The following ATF7IP variants were observed in gnomAD, a reference collection of about 807,000 sequenced individuals.
ATF7IP encodes the protein activating transcription factor 7-interacting protein 1.
In ATF7IP, 23 loss-of-function variants were observed where a neutral mutation model predicts 106.4. The observed-to-expected ratio is 0.22, with a 90% CI of 0.16 to 0.31. The LOEUF (loss-of-function observed/expected upper bound fraction) is 0.31, where lower values mean the gene tolerates loss of function less well. ATF7IP is among the 10% of genes least tolerant of loss of function. The pLI is 1.00. For synonymous variants in ATF7IP, 542 were observed against 539.0 expected, an observed-to-expected ratio of 1.01 and a Z score of -0.08; for missense variants, 1,334 against 1,524.3, an observed-to-expected ratio of 0.88 and a Z score of 2.08.
chr12:14,412,205 T>C (rs901863067), intron 1 of ATF7IP, among the ~76,000 whole-genome samples: 1 of 152,204 alleles, frequency 6.6e-6, no homozygotes, highest in African/African-American at 2.4e-5. Context: ...CTTTTAAAAA[T>C]GCAAAGTATG....
At chr12:14,399,291 G>A (rs960744514) in intron 1 of ATF7IP, among the ~76,000 whole-genome samples, 2 of 151,848 alleles carry the variant, frequency 1.3e-5, no homozygotes, top group African/African-American at 2.4e-5. Flanking sequence ...TTTGCTAGCT[G>A]TAGAATTCCA....
chr12:14,404,730 A>G (rs1435992251), intron 1 of ATF7IP, among the ~76,000 whole-genome samples: 1 of 152,168 alleles, frequency 6.6e-6, no homozygotes, highest in African/African-American at 2.4e-5. Flanking sequence ...TAAAAAATGT[A>G]CAACTTAGTA....
chr12:14,497,643 T>C lies in ATF7IP; in HGVS notation c.3394-11T>C. On this transcript the variant is annotated splice_polypyrimidine_tract_variant and intron_variant, in intron 14 of 14. Transcript: ENST00000261168. ...GCAATCATCATTAATCAGTGTGACC[T>C]GTTTCTTCAGGAGCCCCCACGCCCC... is the stretch of plus-strand genomic sequence containing the variant. 6.2e-7 allele frequency: 1 copy of C among 1,607,368 alleles called. No homozygotes were observed. Among genetic ancestry groups the C allele is most frequent in the Non-Finnish European group, 8.5e-7 (1 of 1,176,024 alleles).
intron 1 of ATF7IP, among the ~76,000 whole-genome samples, chr12:14,410,744 A>AATGTATGT (rs3983702): frequency 4.5e-4 from 68 of 151,780 alleles, no homozygotes; most frequent in South Asian, 8.3e-4. Context: ...TTATAAGTTA[A>AATGTATGT]ATGTATGTAT....
intron 1 of ATF7IP, among the ~76,000 whole-genome samples, chr12:14,366,692 A>T (rs1938308638): frequency 6.6e-6 from 1 of 152,176 alleles, no homozygotes; most frequent in South Asian, 2.1e-4. Context: ...TTACTTTTGA[A>T]ATTAATCAAC....
Position 14,481,082 on chromosome 12 carries a change from C to T in ATF7IP, c.3177C>T (p.Asn1059=), listed in dbSNP as rs1944412788. The T allele has an allele frequency of 6.2e-7, 1 of 1,613,932 alleles. No homozygotes were observed. The highest frequency in any genetic ancestry group is 1.3e-5 in the African/African-American group (1 of 74,902). ...TRLPVPRAPA[N]HQVVYTTLPA... is the part of the protein sequence containing the mutation. ...TCCCTGTACCAAGAGCTCCTGCAAA[C>T]CACCAGGTGGTTTATACAACTCTTC... is the stretch of plus-strand genomic sequence containing the variant. The change falls in exon 13 of 15, where the codon AAC becomes AAT. Residue 1059 remains asparagine, a synonymous_variant. Coordinates refer to ENST00000261168, the MANE Select transcript of ATF7IP (RefSeq NM_018179.5).
chr12:14,464,902 T>C (rs1943771741), intron 9 of ATF7IP, among the ~76,000 whole-genome samples: 1 of 152,182 alleles, frequency 6.6e-6, no homozygotes, highest in African/African-American at 2.4e-5. Context: ...AATTTTCTTA[T>C]ATGAAAATGT....
chr12:14,434,396 G>A lies in ATF7IP; in HGVS notation c.1618G>A (p.Glu540Lys), dbSNP rs746113846. 1 of 1,588,534 alleles carries A rather than the reference G, an allele frequency of 6.3e-7. No individual in the cohort carries two copies. The highest frequency in any genetic ancestry group is 1.1e-5 in the South Asian group (1 of 89,392). The change falls in exon 3 of 15, where the codon GAA (glutamate) becomes AAA (lysine). Residue 540 changes from glutamate to lysine, a missense_variant. Physicochemically the swap from Glu to Lys is moderately conservative, Grantham distance 56. Around this residue, in one of 10 missense-constraint regions of ATF7IP, gnomAD observed 119 missense variants for 117.8 expected, o/e 1.01. Transcript: ENST00000261168. ...TGAGGAAGAAGAGCAAGTAATACAT[G>A]AAGATGATGAAAGACCTTCTGAGAA... is the stretch of plus-strand genomic sequence containing the variant. ...KPEEEEQVIHEDDERPSEKNE... is the reference protein window; with the variant it reads ...KPEEEEQVIHKDDERPSEKNE...
intron 1 of ATF7IP, among the ~76,000 whole-genome samples, chr12:14,404,607 G>T (rs1940451247): frequency 6.6e-6 from 1 of 152,012 alleles, no homozygotes; most frequent in South Asian, 2.1e-4. Context: ...GTGTGTGTAT[G>T]TATATTTGGT....
chr12:14,438,410 G>T (rs1942519633), intron 5 of ATF7IP, 143 bp downstream of exon 5: 2 of 806,018 alleles, frequency 2.5e-6, no homozygotes, highest in African/African-American at 1.7e-5. Flanking sequence ...GTTTGCCAGG[G>T]CTGCTGTAAA....
intron 2 of ATF7IP, among the ~76,000 whole-genome samples, chr12:14,425,680 G>T (rs1417212619): frequency 6.6e-6 from 1 of 152,104 alleles, no homozygotes; most frequent in Non-Finnish European, 1.5e-5. Context: ...TAAGAAGGGA[G>T]ATAAAATAAG....
chr12:14,496,208 G>A (rs1251272324), intron 13 of ATF7IP, 23 bp from the exon 14 acceptor site: 1 of 1,424,570 alleles, frequency 7.0e-7, no homozygotes, highest in African/African-American at 1.4e-5. Context: ...ATTTTATCCT[G>A]TAATTTTTTT....
At chr12:14,481,579 C>A in intron 13 of ATF7IP, 1 of 423,798 alleles carries the variant, frequency 2.4e-6, no homozygotes. Context: ...ATAACCAAAA[C>A]TAATCTATTA....
intron 9 of ATF7IP, among the ~76,000 whole-genome samples, chr12:14,465,041 G>A (rs2136742491): frequency 6.6e-6 from 1 of 152,056 alleles, no homozygotes; most frequent in African/African-American, 2.4e-5. Flanking sequence ...CATGATGAAA[G>A]CAGGTCTTTA....
At chr12:14,373,127 G>T (rs1293078219) in intron 1 of ATF7IP, among the ~76,000 whole-genome samples, 2 of 152,114 alleles carry the variant, frequency 1.3e-5, no homozygotes, top group African/African-American at 2.4e-5. Flanking sequence ...ATGTATATCT[G>T]CCCTGTTACT....
chr12:14,396,562 T>C (rs1939854677), intron 1 of ATF7IP, among the ~76,000 whole-genome samples: 2 of 152,204 alleles, frequency 1.3e-5, no homozygotes, highest in Non-Finnish European at 2.9e-5. Flanking sequence ...CAATTTTGAT[T>C]GATGTGTTTG....
At chr12:14,446,872 T>C in intron 5 of ATF7IP, 116 bp from the exon 6 acceptor site, 1 of 655,210 alleles carries the variant, frequency 1.5e-6, no homozygotes, top group Non-Finnish European at 2.4e-6. Context: ...TTTACTCAGC[T>C]ATCTTCTGAG....
At chr12:14,379,967 A>T (rs1390922301) in intron 1 of ATF7IP, among the ~76,000 whole-genome samples, 1 of 151,914 alleles carries the variant, frequency 6.6e-6, no homozygotes, top group Non-Finnish European at 1.5e-5. Context: ...AGTTTTCTTA[A>T]ATGATTTCAT....
chr12:14,435,988 A>G (rs1591854096), intron 3 of ATF7IP, 118 bp from the exon 4 acceptor site: 4 of 1,023,720 alleles, frequency 3.9e-6, no homozygotes, highest in Non-Finnish European at 2.8e-6. Context: ...ACAGTTTACA[A>G]AATAGTTGGT....
Sources: gnomAD v4.1 joint callset for allele counts (sites outside exome capture counted in the v4.1 genomes callset) on GRCh38, gnomAD v4.1.1 for gene constraint, gnomAD v4.1.1 regional missense constraint, MANE v1.5 for transcripts, NCBI Gene and HGNC (gene_info 2026-07-23, HGNC 2026-07-21) for gene names.